Variants in ARL8B observed in about 807,000 individuals in gnomAD.
ARL8B encodes ADP-ribosylation factor-like protein 8B.
In ARL8B, 9 loss-of-function variants were observed where a neutral mutation model predicts 30.6. The ratio of observed to expected loss-of-function variants is 0.29; its 90% confidence interval spans 0.18 to 0.51. The LOEUF (loss-of-function observed/expected upper bound fraction) is 0.51, where lower values mean the gene tolerates loss of function less well. Ranked by LOEUF, ARL8B falls within the 20% of genes least tolerant of loss-of-function variation. The pLI is 0.97. For synonymous variants in ARL8B, 74 were observed against 76.0 expected (o/e 0.97, Z 0.14); for missense variants, 130 against 227.2 (o/e 0.57, Z 2.75).
chr3:5,176,131 GTATATC>G (rs1309358405), intron 6 of ARL8B, among the ~76,000 whole-genome samples: 2 of 152,136 alleles, frequency 1.3e-5, no homozygotes, highest in African/African-American at 4.8e-5. Context: ...TACCAGAATA[GTATATC>G]TATAAAGTTT....
At chr3:5,123,634 T>C (rs1187544560) in intron 1 of ARL8B, among the ~76,000 whole-genome samples, 1 of 152,222 alleles carries the variant, frequency 6.6e-6, no homozygotes, top group Non-Finnish European at 1.5e-5. Flanking sequence ...TTTCGATGAC[T>C]GTTGAAATCC....
intron 1 of ARL8B, among the ~76,000 whole-genome samples, chr3:5,127,907 G>A (rs1167112875): frequency 7.1e-6 from 1 of 140,432 alleles, no homozygotes; most frequent in East Asian, 2.1e-4. Context: ...AAAAAGCGGA[G>A]GGCCAGGCGC....
chr3:5,141,477 G>C (rs1262455663), intron 1 of ARL8B, among the ~76,000 whole-genome samples: 1 of 152,114 alleles, frequency 6.6e-6, no homozygotes, highest in Non-Finnish European at 1.5e-5. Flanking sequence ...ATTAATCTCT[G>C]TGCTAGTCCC....
chr3:5,136,347 A>G (rs2054325777), intron 1 of ARL8B, among the ~76,000 whole-genome samples: 1 of 152,202 alleles, frequency 6.6e-6, no homozygotes, highest in Admixed American at 6.5e-5. Flanking sequence ...TTGGGTCTGA[A>G]ATTCAATTCC....
rs1481967738 is a variant in ARL8B, at chr3:5,172,550, A to G, written c.279-97A>G. The G allele has an allele frequency of 4.7e-6, 4 of 843,358 alleles. No individual in the cohort carries two copies. The East Asian group carries it at 1.1e-4, about 22-fold the overall frequency. The allele number at this position is 843,358 out of a possible 1,614,324, so 52.2% of individuals were successfully genotyped here. A position where few individuals can be genotyped will look rare whatever the true frequency, so the allele number is the denominator to read the frequency against. On this transcript the variant is annotated intron_variant, in intron 3 of 6. Coordinates refer to ENST00000256496, the MANE Select transcript of ARL8B (RefSeq NM_018184.3). ...TAGTTTATTTTGGTTAATAATTTCAATAATGTAAATCTTACAAAAATTAAA... is the reference window on the plus strand; with the variant it reads ...TAGTTTATTTTGGTTAATAATTTCAGTAATGTAAATCTTACAAAAATTAAA...
chr3:5,129,930 C>G (rs1356213348), intron 1 of ARL8B, among the ~76,000 whole-genome samples: 1 of 152,152 alleles, frequency 6.6e-6, no homozygotes, highest in Non-Finnish European at 1.5e-5. Flanking sequence ...GTGGCATGAT[C>G]TTGGCTCACT....
Position 5,128,157 on chromosome 3 carries a change from C to T in ARL8B, c.123+5569C>T, listed in dbSNP as rs536762425. 5.5e-3 allele frequency among the ~76,000 whole-genome samples: 732 copies of T among 132,354 alleles called. 7 individuals carry two copies. The highest frequency in any genetic ancestry group is 0.02 in the African/African-American group (671 of 34,342). 86.8% of individuals were successfully genotyped at this position (132,354 alleles called of 152,430 possible). A position where few individuals can be genotyped will look rare whatever the true frequency, so the allele number is the denominator to read the frequency against. ...CAGCCTGGGCAACAGAGTGAAAATC[C>T]GTCTCAAAAAAAAAAAAAAAAAAAA... On this transcript the variant is annotated intron_variant, in intron 1 of 6. Transcript: ENST00000256496.
chr3:5,170,396 T>TA (rs903548717), intron 1 of ARL8B, 107 bp from the exon 2 acceptor site: 14 of 639,824 alleles, frequency 2.2e-5, no homozygotes, highest in South Asian at 5.9e-5. Context: ...TTACCAATGG[T>TA]AAAAAAATAT....
intron 6 of ARL8B, 54 bp downstream of exon 6, chr3:5,174,468 T>C: frequency 8.7e-7 from 1 of 1,149,896 alleles, no homozygotes; most frequent in Non-Finnish European, 1.3e-6. Flanking sequence ...AAGGAATGTC[T>C]ATGCTTCTTA....
In ARL8B at chr3:5,173,954, T is replaced by G. The variant is rs1266165882; in HGVS notation, c.373-63T>G. 5.0e-6 allele frequency: 6 copies of G among 1,200,616 alleles called. No homozygotes were observed. The African/African-American group carries it at 9.0e-5, about 18-fold the overall frequency. 74.4% of individuals were successfully genotyped at this position (1,200,616 alleles called of 1,614,324 possible). On this transcript the variant is annotated intron_variant, in intron 4 of 6. Transcript: ENST00000256496. ...AACTTTGTGTCTTCACATATCAAGATGATAAACTTCTGTGACTTTTTCTTG... is the reference window on the plus strand; with the variant it reads ...AACTTTGTGTCTTCACATATCAAGAGGATAAACTTCTGTGACTTTTTCTTG...
intron 1 of ARL8B, among the ~76,000 whole-genome samples, chr3:5,136,857 T>G (rs1264148834): frequency 6.6e-6 from 1 of 152,156 alleles, no homozygotes; most frequent in Non-Finnish European, 1.5e-5. Flanking sequence ...GGCACTGTCT[T>G]ACTCATCGTT....
chr3:5,174,301 A>G, intron 5 of ARL8B, 43 bp from the exon 6 acceptor site: 1 of 1,325,610 alleles, frequency 7.5e-7, no homozygotes, highest in South Asian at 1.2e-5. Flanking sequence ...TAAGTATGAC[A>G]GCTGTTCTAA....
chr3:5,123,418 T>G (rs1468891201), intron 1 of ARL8B, among the ~76,000 whole-genome samples: 1 of 152,172 alleles, frequency 6.6e-6, no homozygotes, highest in Non-Finnish European at 1.5e-5. Context: ...AATGTGGTGT[T>G]TGTTCAGCAA....
At chr3:5,155,100 G>C (rs781758651) in intron 1 of ARL8B, among the ~76,000 whole-genome samples, 1 of 152,126 alleles carries the variant, frequency 6.6e-6, no homozygotes, top group Non-Finnish European at 1.5e-5. Context: ...GTCAGGTCTA[G>C]TAGTAATTTC....
chr3:5,174,360 C>G lies in ARL8B; in HGVS notation c.457C>G (p.Gln153Glu). The change falls in exon 6 of 7, where the codon CAG (glutamine) becomes GAG (glutamate). Residue 153 changes from glutamine (Q) to glutamate (E), a missense_variant. Physicochemically the swap from Gln to Glu is conservative, Grantham distance 29. Coordinates refer to ENST00000256496, the MANE Select transcript of ARL8B (RefSeq NM_018184.3). The stretch of plus-strand genomic sequence containing the variant: ...TTCTCATAGGAATCTGTCTGCTATT[C>G]AGGATAGAGAAATTTGCTGCTATTC... ...LIEKMNLSAI[Q>E]DREICCYSIS... The G allele has an allele frequency of 6.2e-7, 1 of 1,604,586 alleles. No homozygotes were observed. Among genetic ancestry groups the G allele is most frequent in the Non-Finnish European group, 8.5e-7 (1 of 1,171,764 alleles).
chr3:5,171,899 AAAC>A lies in ARL8B; in HGVS notation c.205-250_205-248del, dbSNP rs370697113. 3.7e-4 allele frequency among the ~76,000 whole-genome samples: 56 copies of A among 152,352 alleles called. No homozygotes were observed. In the East Asian group the frequency reaches 8.1e-3, roughly 22 times the overall value. On this transcript the variant is annotated intron_variant, in intron 2 of 6. Coordinates refer to ENST00000256496, the MANE Select transcript of ARL8B (RefSeq NM_018184.3). The stretch of plus-strand genomic sequence containing the variant: ...AGTTAACAGGCAAACTATTGCACAT[AAAC>A]CAAATCTTTGCTTAAGCAAAATTTT...
chr3:5,146,048 A>C (rs1213830327), intron 1 of ARL8B, among the ~76,000 whole-genome samples: 1 of 152,174 alleles, frequency 6.6e-6, no homozygotes, highest in African/African-American at 2.4e-5. Flanking sequence ...GTTTCCCTGG[A>C]AGGTTGGAAT....
At chr3:5,153,873 TGACC>T (rs2054509307) in intron 1 of ARL8B, among the ~76,000 whole-genome samples, 10 of 152,212 alleles carry the variant, frequency 6.6e-5, no homozygotes, top group Non-Finnish European at 1.2e-4. Context: ...AATGTCTTTA[TGACC>T]TTAATTCCTA....
chr3:5,137,144 T>A (rs1426676495), intron 1 of ARL8B, among the ~76,000 whole-genome samples: 8 of 152,130 alleles, frequency 5.3e-5, no homozygotes, highest in African/African-American at 1.9e-4. Flanking sequence ...TCCTCAAAGC[T>A]TCAGTTTCCT....
Sources: gnomAD v4.1 joint callset for allele counts (sites outside exome capture counted in the v4.1 genomes callset) on GRCh38, gnomAD v4.1.1 for gene constraint, MANE v1.5 for transcripts, NCBI Gene and HGNC (gene_info 2026-07-23, HGNC 2026-07-21) for gene names.